The following ALPK1 variants were observed in gnomAD, a reference collection of about 807,000 sequenced individuals.
ALPK1 encodes the protein alpha-protein kinase 1.
ALPK1 carries 110 observed loss-of-function variants against 120.6 expected under a neutral mutation model. The ratio of observed to expected loss-of-function variants is 0.91; its 90% confidence interval spans 0.78 to 1.07. ALPK1 has a LOEUF of 1.07. ALPK1 is among the 50% of genes least tolerant of loss of function. ALPK1 has a pLI of 0.00. For missense variants in ALPK1, 1,498 were observed against 1,483.9 expected (o/e 1.01, Z -0.16); for synonymous variants, 582 against 560.3 (o/e 1.04, Z -0.55).
chr4:112,427,934 C>T (rs78341843), intron 9 of ALPK1: 9,441 of 283,460 alleles, frequency 0.033, 790 homozygotes, highest in African/African-American at 0.18. Flanking sequence ...TGATTTTGAG[C>T]CTCACTTCTT....
At chr4:112,383,543 AAAC>A (rs1325404371) in intron 4 of ALPK1, 1 of 152,208 alleles carries the variant, frequency 6.6e-6, no homozygotes, top group Non-Finnish European at 1.5e-5. Flanking sequence ...CCTAAAAAAC[AAAC>A]AAAACAGGTT....
chr4:112,364,862 T>C (rs141240049), intron 2 of ALPK1, among the ~76,000 whole-genome samples: 1 of 152,184 alleles, frequency 6.6e-6, no homozygotes, highest in African/African-American at 2.4e-5. Flanking sequence ...TCCACCATGA[T>C]CAGGTGGGTT....
At chr4:112,374,654 T>C (rs1346008652) in intron 2 of ALPK1, among the ~76,000 whole-genome samples, 1 of 152,250 alleles carries the variant, frequency 6.6e-6, no homozygotes, top group Non-Finnish European at 1.5e-5. Flanking sequence ...AATGAATTTC[T>C]TCTAAGACTT....
intron 2 of ALPK1, among the ~76,000 whole-genome samples, chr4:112,339,445 C>T (rs920625777): frequency 7.2e-5 from 11 of 152,106 alleles, no homozygotes; most frequent in African/African-American, 1.9e-4. Context: ...TTCAATATTA[C>T]GAATAATTTA....
intron 2 of ALPK1, among the ~76,000 whole-genome samples, chr4:112,369,349 A>G (rs1365358591): frequency 6.6e-6 from 1 of 152,200 alleles, no homozygotes; most frequent in African/African-American, 2.4e-5. Context: ...TCAGTGCAAG[A>G]GGCAATATGG....
intron 4 of ALPK1, chr4:112,382,898 G>T (rs1278911648): frequency 1.9e-5 from 5 of 258,108 alleles, no homozygotes; most frequent in Non-Finnish European, 3.0e-5. Context: ...CTTTCTAAAA[G>T]TTAGGTAGCT....
intron 1 of ALPK1, among the ~76,000 whole-genome samples, chr4:112,312,372 A>G (rs990257455): frequency 2.6e-5 from 4 of 151,916 alleles, no homozygotes; most frequent in Admixed American, 6.6e-5. Context: ...CTCCCGGGTC[A>G]CGTCATTCTC....
intron 4 of ALPK1, among the ~76,000 whole-genome samples, chr4:112,385,442 T>C (rs190534373): frequency 6.6e-6 from 1 of 152,310 alleles, no homozygotes; most frequent in African/African-American, 2.4e-5. Flanking sequence ...AGGCCTTCTT[T>C]AGTCTCTAAT....
intron 2 of ALPK1, among the ~76,000 whole-genome samples, chr4:112,364,585 G>C (rs1000758393): frequency 2.0e-5 from 3 of 152,010 alleles, no homozygotes; most frequent in African/African-American, 4.8e-5. Context: ...AAAAATAAAA[G>C]TCCAAGACCA....
At chr4:112,399,057 G>A (rs1428286880) in intron 4 of ALPK1, among the ~76,000 whole-genome samples, 1 of 152,156 alleles carries the variant, frequency 6.6e-6, no homozygotes, top group Non-Finnish European at 1.5e-5. Context: ...GCTATGGCGG[G>A]CAATTCCATA....
intron 2 of ALPK1, chr4:112,356,959 C>T (rs1038723633): frequency 2.6e-6 from 2 of 765,222 alleles, no homozygotes; most frequent in Non-Finnish European, 2.4e-6. Flanking sequence ...CGGGACTGGA[C>T]GTCATAGACC....
rs113105979 is a variant in ALPK1 at position 112,439,302 on chromosome 4, T to A, written c.3352-384T>A. ...TGCCAGGCAGTTTGCAAACCTTAACTCTAACCTTTGAAACAACTCCACAAA... is the reference window on the plus strand; with the variant it reads ...TGCCAGGCAGTTTGCAAACCTTAACACTAACCTTTGAAACAACTCCACAAA... On this transcript the variant is annotated intron_variant, in intron 13 of 15. Coordinates refer to ENST00000650871, the MANE Select transcript of ALPK1 (RefSeq NM_025144.4). Among the ~76,000 whole-genome samples, 730 of 152,268 alleles carry A rather than the reference T, an allele frequency of 4.8e-3. 7 individuals carry two copies. The highest frequency in any genetic ancestry group is 0.016 in the African/African-American group (677 of 41,544).
At chr4:112,439,578 C>A in intron 13 of ALPK1, 108 bp from the exon 14 acceptor site, 1 of 841,036 alleles carries the variant, frequency 1.2e-6, no homozygotes, top group Non-Finnish European at 1.8e-6. Flanking sequence ...GAAATTGAAG[C>A]TCAGAGAAGC....
At chr4:112,414,137 G>A (rs1733621175) in intron 5 of ALPK1, 3 of 399,084 alleles carry the variant, frequency 7.5e-6, no homozygotes, top group South Asian at 5.2e-5. Flanking sequence ...CTTAGGAATC[G>A]TGGGGTGGAG....
rs534039259 is a variant in ALPK1, at chr4:112,347,902, T to C, written c.-100-29776T>C. The stretch of plus-strand genomic sequence containing the variant: ...ATTTACTTATTTTTTAAAAATTTCC[T>C]GTATCACACTGTTAGCTCTATACTG... On this transcript the variant is annotated intron_variant, in intron 2 of 15. Coordinates refer to ENST00000650871, the MANE Select transcript of ALPK1 (RefSeq NM_025144.4). 3.3e-5 allele frequency among the ~76,000 whole-genome samples: 5 copies of C among 152,366 alleles called. No individual in the cohort carries two copies. In the East Asian group the frequency reaches 9.6e-4, roughly 29 times the overall value.
At chr4:112,429,000 C>CTT (rs1480444309) in intron 9 of ALPK1, 149 bp from the exon 10 acceptor site, 4 of 718,890 alleles carry the variant, frequency 5.6e-6, no homozygotes, top group Non-Finnish European at 9.9e-6. Flanking sequence ...TCTTTAGACC[C>CTT]ACTTACTCTT....
At chr4:112,378,167 G>A (rs1470683146) in intron 3 of ALPK1, among the ~76,000 whole-genome samples, 1 of 152,178 alleles carries the variant, frequency 6.6e-6, no homozygotes, top group Non-Finnish European at 1.5e-5. Flanking sequence ...AGTTCAAGAA[G>A]AACAAAGGAT....
At chr4:112,304,923 T>C (rs1053109916) in intron 1 of ALPK1, among the ~76,000 whole-genome samples, 8 of 152,142 alleles carry the variant, frequency 5.3e-5, no homozygotes, top group Non-Finnish European at 1.2e-4. Flanking sequence ...AATTAATTTT[T>C]GTGTAAGGTG....
At chr4:112,319,194 A>G (rs533061304) in intron 2 of ALPK1, among the ~76,000 whole-genome samples, 1 of 152,270 alleles carries the variant, frequency 6.6e-6, no homozygotes, top group African/African-American at 2.4e-5. Context: ...AGAGACTGAG[A>G]AGCAAAGACC....
Sources: gnomAD v4.1 joint callset for allele counts (sites outside exome capture counted in the v4.1 genomes callset) on GRCh38, gnomAD v4.1.1 for gene constraint, MANE v1.5 for transcripts, NCBI Gene and HGNC (gene_info 2026-07-23, HGNC 2026-07-21) for gene names.